Variants in SYBU observed in about 807,000 individuals in gnomAD.
The protein encoded by SYBU is GOLSYN A protein.
SYBU carries 21 observed loss-of-function variants against 35.9 expected under a neutral mutation model. The ratio of observed to expected loss-of-function variants is 0.58; its 90% CI spans 0.41 to 0.84. SYBU has a LOEUF of 0.84. Among genes scored for constraint, SYBU ranks in the 40% least tolerant of loss-of-function variants. The pLI is 0.00. For missense variants in SYBU, 768 were observed against 848.2 expected, an observed-to-expected ratio of 0.91 and a Z score of 1.17; for synonymous variants, 319 against 324.3, an observed-to-expected ratio of 0.98 and a Z score of 0.18.
chr8:109,578,345 C>G (rs902624470), intron 5 of SYBU, among the ~76,000 whole-genome samples: 28 of 152,146 alleles, frequency 1.8e-4, no homozygotes, highest in Non-Finnish European at 2.1e-4. Context: ...CTTGCTGGCA[C>G]CCTGATCTCA....
At position 109,666,712 on chromosome 8, in the gene SYBU, C is replaced by T. The variant is rs181865346; in HGVS notation, c.-129+13999G>A. Among the ~76,000 whole-genome samples the T allele has an allele frequency of 5.9e-3, 895 of 151,974 alleles. 6 individuals are homozygous for T. The highest frequency in any genetic ancestry group is 0.021 in the African/African-American group (851 of 41,342). On this transcript the variant is annotated intron_variant, in intron 1 of 5. Coordinates refer to the SYBU transcript ENST00000408889. ...GCAGTGAATGGAAATCACACCATTGCACGCCAGCCTAGGCAACAGAGACTC... is the reference window on the plus strand; with the variant it reads ...GCAGTGAATGGAAATCACACCATTGTACGCCAGCCTAGGCAACAGAGACTC...
intron 1 of SYBU, among the ~76,000 whole-genome samples, chr8:109,687,214 T>C (rs572577938): frequency 6.6e-6 from 1 of 152,258 alleles, no homozygotes; most frequent in East Asian, 1.9e-4. Flanking sequence ...TTACAGTTCA[T>C]TTAATACTGA....
At chr8:109,592,457 A>G (rs1277248118) in intron 3 of SYBU, among the ~76,000 whole-genome samples, 1 of 152,176 alleles carries the variant, frequency 6.6e-6, no homozygotes, top group Non-Finnish European at 1.5e-5. Flanking sequence ...TAGTAGGTTT[A>G]CTGCAGCTCT....
intron 6 of SYBU, among the ~76,000 whole-genome samples, chr8:109,577,128 T>C (rs1822418787): frequency 6.6e-6 from 1 of 152,148 alleles, no homozygotes; most frequent in Admixed American, 6.5e-5. Flanking sequence ...AACCAAGGTA[T>C]TGAGTTTTCT....
intron 1 of SYBU, among the ~76,000 whole-genome samples, chr8:109,686,569 C>T (rs1817523813): frequency 6.6e-6 from 1 of 152,132 alleles, no homozygotes; most frequent in Non-Finnish European, 1.5e-5. Context: ...TGAGTTTCCC[C>T]AGGCACAGGT....
At chr8:109,640,506 C>T (rs569599632) in intron 2 of SYBU, among the ~76,000 whole-genome samples, 3 of 152,236 alleles carry the variant, frequency 2.0e-5, no homozygotes, top group East Asian at 1.9e-4. Context: ...TTTGAAATGA[C>T]GTGCCCAGAG....
intron 4 of SYBU, among the ~76,000 whole-genome samples, chr8:109,582,154 G>A (rs1391951110): frequency 2.0e-5 from 3 of 152,122 alleles, no homozygotes; most frequent in African/African-American, 4.8e-5. Flanking sequence ...TTGACCTGGG[G>A]AATTTTATTA....
chr8:109,672,598 AG>A (rs1267320266), intron 1 of SYBU, among the ~76,000 whole-genome samples: 1 of 152,220 alleles, frequency 6.6e-6, no homozygotes, highest in East Asian at 1.9e-4. Flanking sequence ...GCACAAAACT[AG>A]ATGGCTGTTT....
At chr8:109,582,108 C>T (rs548116498) in intron 4 of SYBU, among the ~76,000 whole-genome samples, 2 of 152,296 alleles carry the variant, frequency 1.3e-5, no homozygotes, top group African/African-American at 4.8e-5. Flanking sequence ...TTAGCTATTA[C>T]ACCTTAGGCA....
chr8:109,639,176 CAACATT>C (rs1206787584), intron 2 of SYBU, among the ~76,000 whole-genome samples: 1 of 152,082 alleles, frequency 6.6e-6, no homozygotes, highest in Non-Finnish European at 1.5e-5. Flanking sequence ...GAGAAAACAT[CAACATT>C]GAGTTGACAT....
intron 1 of SYBU, among the ~76,000 whole-genome samples, chr8:109,675,564 T>C (rs1358457761): frequency 3.3e-5 from 5 of 152,128 alleles, no homozygotes; most frequent in Non-Finnish European, 5.9e-5. Flanking sequence ...CCTGGACACA[T>C]ACACCCTCCC....
At chr8:109,616,034 CAG>C (rs1563726182) in intron 3 of SYBU, among the ~76,000 whole-genome samples, 2 of 53,744 alleles carry the variant, frequency 3.7e-5, no homozygotes, top group African/African-American at 1.1e-4. Flanking sequence ...TTTTTTGAGA[CAG>C]AGTCTCGCTC....
At position 109,668,713 on chromosome 8, in the gene SYBU, T is replaced by C. The variant is rs144547578; in HGVS notation, c.-129+11998A>G. ...ATCGTTGCTGTCAAAGATAAACACA[T>C]TTCAGAGCATCTGAGGGTGAACACT... On this transcript the variant is annotated intron_variant, in intron 1 of 5. Transcript: ENST00000408889. 4.6e-4 allele frequency among the ~76,000 whole-genome samples: 70 copies of C among 152,300 alleles called. No individual in the cohort carries two copies. The East Asian group carries it at 0.013, about 28-fold the overall frequency.
chr8:109,678,633 G>A (rs866453417), intron 1 of SYBU, among the ~76,000 whole-genome samples: 3 of 151,810 alleles, frequency 2.0e-5, no homozygotes, highest in Admixed American at 1.3e-4. Flanking sequence ...TAGAGACAGG[G>A]TTTCACCATG....
intron 2 of SYBU, among the ~76,000 whole-genome samples, chr8:109,625,374 T>G (rs759743375): frequency 6.6e-6 from 1 of 152,256 alleles, no homozygotes; most frequent in Admixed American, 6.5e-5. Context: ...CTTGAAAACA[T>G]TATTTTAAAG....
intron 3 of SYBU, among the ~76,000 whole-genome samples, chr8:109,598,799 T>C (rs528958150): frequency 3.7e-4 from 56 of 152,394 alleles, no homozygotes; most frequent in Non-Finnish European, 6.9e-4. Flanking sequence ...TGGCTTGTTA[T>C]GTTCACACCC....
chr8:109,642,699 C>A (rs59905170), intron 2 of SYBU, 29 bp downstream of exon 2: 5 of 1,528,578 alleles, frequency 3.3e-6, no homozygotes, highest in African/African-American at 1.4e-5. Flanking sequence ...ACGCTTCACG[C>A]CTCTGGTGGC....
Position 109,586,266 on chromosome 8 carries a change from A to G in SYBU, c.428-104T>C, listed in dbSNP as rs1363227240. 31 of 792,814 alleles carry G rather than the reference A, an allele frequency of 3.9e-5. 1 individual carries two copies. Among genetic ancestry groups the G allele is most frequent in the Non-Finnish European group, 5.6e-5 (28 of 497,640 alleles). The allele number at this position is 792,814 out of a possible 1,614,324, so 49.1% of individuals were successfully genotyped here. A position where few individuals can be genotyped will look rare whatever the true frequency, so the allele number is the denominator to read the frequency against. ...TCCCTGCTCCCTGCGTTTGCACACT[A>G]TTGGCAAGTGCCAAGATTCCAGGGC... On this transcript the variant is annotated intron_variant, in intron 3 of 6. Coordinates refer to ENST00000276646, the MANE Select transcript of SYBU (RefSeq NM_001099754.2).
chr8:109,580,149 C>G, intron 4 of SYBU, 147 bp from the exon 5 acceptor site: 2 of 690,428 alleles, frequency 2.9e-6, no homozygotes, highest in South Asian at 3.7e-5. Context: ...TTAGGAGCGG[C>G]CTTCTTCCCA....
Sources: allele counts gnomAD v4.1 joint callset (sites outside exome capture counted in the v4.1 genomes callset), GRCh38; gene constraint gnomAD v4.1.1; transcripts MANE v1.5; gene names NCBI Gene and HGNC (gene_info 2026-07-23, HGNC 2026-07-21).